CCNC: variants seen among roughly 807,000 people sequenced by gnomAD.
CCNC encodes the protein cyclin-C.
Under a neutral mutation model 50.0 loss-of-function variants are expected in CCNC, and 19 were observed. The observed-to-expected ratio is 0.38, with a 90% CI of 0.27 to 0.56. CCNC has a LOEUF of 0.56. Ranked by LOEUF, CCNC falls within the 20% of genes least tolerant of loss-of-function variation. The pLI, the probability that CCNC is intolerant of heterozygous loss-of-function variation, is 0.72. For synonymous variants in CCNC, 93 were observed against 103.7 expected (o/e 0.90, Z 0.63); for missense variants, 200 against 327.1 (o/e 0.61, Z 3.00).
chr6:99,568,810 A>T, upstream of CCNC: 1 of 895,392 alleles, frequency 1.1e-6, no homozygotes, highest in East Asian at 3.8e-5. Context: ...GCTGAGATTG[A>T]AGAGAACTAG....
chr6:99,551,371 C>A (rs1177906350), intron 6 of CCNC, among the ~76,000 whole-genome samples: 1 of 152,092 alleles, frequency 6.6e-6, no homozygotes, highest in East Asian at 1.9e-4. Context: ...ACAATTATTT[C>A]TACTTAATTT....
intron 9 of CCNC, 96 bp downstream of exon 9, chr6:99,549,412 T>C (rs1462645462): frequency 1.2e-6 from 1 of 816,856 alleles, no homozygotes; most frequent in Non-Finnish European, 2.1e-6. Flanking sequence ...TCATGGAACA[T>C]AAAAACATAA....
intron 2 of CCNC, chr6:99,562,063 T>C (rs1018580654): frequency 6.5e-6 from 1 of 153,808 alleles, no homozygotes; most frequent in Non-Finnish European, 1.4e-5. Flanking sequence ...ATACTACCAC[T>C]TTTTTTGTTG....
chr6:99,543,951 T>A, intron 11 of CCNC: 6 of 1,223,180 alleles, frequency 4.9e-6, no homozygotes, highest in Non-Finnish European at 5.2e-6. Context: ...AAATTTCCTA[T>A]AAAATTAAAT....
At chr6:99,558,363 T>C (rs191633778) in intron 5 of CCNC, 134 bp downstream of exon 5, 295 of 1,398,258 alleles carry the variant, frequency 2.1e-4, no homozygotes, top group Non-Finnish European at 2.1e-4. Context: ...ACACTAGATA[T>C]AAAGTTATCC....
chr6:99,550,480 AC>A (rs1285138844), intron 7 of CCNC, 171 bp from the exon 8 acceptor site: 1 of 553,198 alleles, frequency 1.8e-6, no homozygotes, highest in African/African-American at 1.9e-5. Flanking sequence ...CCTAAACTCT[AC>A]CGTAATAGTG....
At chr6:99,546,276 A>T in intron 10 of CCNC, 119 bp downstream of exon 10, 1 of 691,546 alleles carries the variant, frequency 1.4e-6, no homozygotes, top group Non-Finnish European at 2.5e-6. Flanking sequence ...CATGTTTCTT[A>T]ATATTTTGTA....
In CCNC at chr6:99,558,815, G is replaced by A. The variant is rs41288983; in HGVS notation, c.295-267C>T. Among the ~76,000 whole-genome samples the A allele has an allele frequency of 1.3e-3, 204 of 152,234 alleles. No individual in the cohort carries two copies. The Middle Eastern group carries it at 0.017, about 13-fold the overall frequency. ...AATCTGAAATGCAAAATGTTCCAAT[G>A]AGCATTCCTTTGAATGTCATGTTGG... On this transcript the variant is annotated intron_variant, in intron 4 of 11. Transcript: ENST00000520429.
chr6:99,542,609 A>T lies in CCNC; in HGVS notation c.*946T>A, dbSNP rs1167844237. ...TCCCACTGACATAACATTTAGTATG[A>T]TGTCCTACTCTCATATTAGAATTAA... On this transcript the variant is annotated 3_prime_UTR_variant, in exon 12 of 12. Transcript: ENST00000520429. 1 of 152,618 alleles carries T rather than the reference A, an allele frequency of 6.6e-6. No individual in the cohort carries two copies. Among genetic ancestry groups the T allele is most frequent in the South Asian group, 2.1e-4 (1 of 4,834 alleles). 9.5% of individuals were successfully genotyped at this position (152,618 alleles called of 1,614,324 possible). A position where few individuals can be genotyped will look rare whatever the true frequency, so the allele number is the denominator to read the frequency against.
At chr6:99,561,813 CT>C in intron 2 of CCNC, 132 bp from the exon 3 acceptor site, 2 of 582,262 alleles carry the variant, frequency 3.4e-6, no homozygotes, top group Non-Finnish European at 3.1e-6. Context: ...TACACATGCT[CT>C]ATGTGAGTCA....
chr6:99,550,725 G>A, intron 7 of CCNC: 1 of 249,048 alleles, frequency 4.0e-6, no homozygotes, highest in Non-Finnish European at 7.7e-6. Context: ...GTGGTTTAAT[G>A]TCCTGACTTG....
At position 99,568,633 on chromosome 6, in the gene CCNC, C is replaced by T; in HGVS notation, c.-106G>A. 8 of 1,548,774 alleles carry T rather than the reference C, an allele frequency of 5.2e-6. No homozygotes were observed. The highest frequency in any genetic ancestry group is 2.7e-5 in the African/African-American group (2 of 72,934). The stretch of plus-strand genomic sequence containing the variant: ...ACCGCGCTCCTCGATCAAATCAGCT[C>T]GGCTCGACTCCGCTCCGCGGCGGCG... On this transcript the variant is annotated 5_prime_UTR_variant, in exon 1 of 12. Coordinates refer to ENST00000520429, the MANE Select transcript of CCNC (RefSeq NM_005190.4).
chr6:99,547,362 T>C (rs1212651253), intron 9 of CCNC, among the ~76,000 whole-genome samples: 2 of 151,780 alleles, frequency 1.3e-5, no homozygotes, highest in African/African-American at 2.4e-5. Context: ...CAGTGGACAA[T>C]GCTATTAACA....
chr6:99,564,214 C>G (rs1366450678), intron 1 of CCNC, among the ~76,000 whole-genome samples: 1 of 152,016 alleles, frequency 6.6e-6, no homozygotes, highest in Non-Finnish European at 1.5e-5. Flanking sequence ...CACCTGAGGT[C>G]AGGAGTTTGA....
intron 4 of CCNC, among the ~76,000 whole-genome samples, chr6:99,558,784 T>A (rs1479995519): frequency 6.6e-6 from 1 of 152,152 alleles, no homozygotes; most frequent in African/African-American, 2.4e-5. Context: ...GCATCCCTAA[T>A]CTAAAAATCT....
chr6:99,546,412 A>G lies in CCNC; in HGVS notation c.661T>C (p.Ser221Pro). The change falls in exon 10 of 12, where the codon TCT (serine) becomes CCT (proline). Residue 221 changes from serine (S) to proline (P), a missense_variant. Physicochemically the swap from Ser to Pro is moderately conservative, Grantham distance 74. Coordinates refer to ENST00000520429, the MANE Select transcript of CCNC (RefSeq NM_005190.4). ...GGGAATACCTTTTCCATATCCACAG[A>G]AAGCTCAGCAAACCATTGCCTGGCA... The part of the protein sequence containing the change: ...KDARQWFAEL[S>P]VDMEKILEII... 2 of 1,612,470 alleles carry G rather than the reference A, an allele frequency of 1.2e-6. No homozygotes were observed. Among genetic ancestry groups the G allele is most frequent in the Non-Finnish European group, 1.7e-6 (2 of 1,178,528 alleles).
intron 11 of CCNC, 79 bp downstream of exon 11, chr6:99,545,033 A>C: frequency 1.4e-6 from 1 of 693,034 alleles, no homozygotes; most frequent in Admixed American, 2.5e-5. Context: ...TAAAAACTAC[A>C]AAACAACATA....
chr6:99,545,086 A>T, intron 11 of CCNC, 26 bp downstream of exon 11: 1 of 1,044,666 alleles, frequency 9.6e-7, no homozygotes, highest in Non-Finnish European at 1.5e-6. Context: ...ATTAAATGAC[A>T]TCAATAATTA....
intron 4 of CCNC, among the ~76,000 whole-genome samples, chr6:99,560,097 A>C (rs188949504): frequency 3.3e-4 from 51 of 152,328 alleles, no homozygotes; most frequent in African/African-American, 1.2e-3. Context: ...TACTCAGTAA[A>C]TCACATAACA....
Sources: allele counts gnomAD v4.1 joint callset (sites outside exome capture counted in the v4.1 genomes callset), GRCh38; gene constraint gnomAD v4.1.1; transcripts MANE v1.5; gene names NCBI Gene and HGNC (gene_info 2026-07-23, HGNC 2026-07-21).